Variants in TCF7L1 observed in about 807,000 individuals in gnomAD.
TCF7L1 encodes transcription factor 7-like 1.
TCF7L1 carries 18 observed loss-of-function variants against 63.7 expected under a neutral mutation model. The ratio of observed to expected loss-of-function variants is 0.28; its 90% CI spans 0.20 to 0.42. The LOEUF is 0.42. Ranked by LOEUF, TCF7L1 falls within the 10% of genes least tolerant of loss-of-function variation. TCF7L1 has a pLI of 1.00. For synonymous variants in TCF7L1, 355 were observed against 340.9 expected (o/e 1.04, Z -0.46); for missense variants, 654 against 779.3 (o/e 0.84, Z 1.91).
At chr2:85,250,690 C>T (rs1005104407) in intron 3 of TCF7L1, among the ~76,000 whole-genome samples, 1 of 152,158 alleles carries the variant, frequency 6.6e-6, no homozygotes, top group African/African-American at 2.4e-5. Flanking sequence ...CCCACCTCAG[C>T]CTCCCAAAGT....
chr2:85,268,365 ATT>A (rs1681060222), intron 3 of TCF7L1, among the ~76,000 whole-genome samples: 1 of 152,116 alleles, frequency 6.6e-6, no homozygotes, highest in Admixed American at 6.5e-5. Flanking sequence ...TGCACCTCTA[ATT>A]TGGTTAATCC....
At chr2:85,175,633 G>C (rs529148237) in intron 3 of TCF7L1, among the ~76,000 whole-genome samples, 12 of 152,318 alleles carry the variant, frequency 7.9e-5, no homozygotes, top group African/African-American at 2.9e-4. Context: ...CCCAGTAGCA[G>C]ATAACTCAGT....
At chr2:85,146,497 C>CTTTTTTT (rs554058692) in intron 3 of TCF7L1, among the ~76,000 whole-genome samples, 6 of 103,606 alleles carry the variant, frequency 5.8e-5, no homozygotes, top group Non-Finnish European at 7.5e-5. Context: ...TTCTTTCTTT[C>CTTTTTTT]TTTTTTTTTT....
intron 4 of TCF7L1, among the ~76,000 whole-genome samples, chr2:85,297,522 A>G (rs1681859108): frequency 6.6e-6 from 1 of 152,080 alleles, no homozygotes; most frequent in African/African-American, 2.4e-5. Flanking sequence ...ACTTCTTTCA[A>G]AATGTGAAAG....
intron 4 of TCF7L1, among the ~76,000 whole-genome samples, chr2:85,300,467 C>T (rs1188287874): frequency 6.6e-6 from 1 of 152,184 alleles, no homozygotes; most frequent in African/African-American, 2.4e-5. Flanking sequence ...ATTCATGATG[C>T]AACATCCAGT....
chr2:85,190,668 A>C (rs1679023267), intron 3 of TCF7L1, among the ~76,000 whole-genome samples: 1 of 152,226 alleles, frequency 6.6e-6, no homozygotes, highest in Non-Finnish European at 1.5e-5. Context: ...AATTGTGTTT[A>C]AGGATCACAG....
At chr2:85,164,933 T>C (rs1346508371) in intron 3 of TCF7L1, among the ~76,000 whole-genome samples, 2 of 152,242 alleles carry the variant, frequency 1.3e-5, no homozygotes, top group Non-Finnish European at 2.9e-5. Context: ...CTAGGTCTTA[T>C]TTAATATGTT....
intron 4 of TCF7L1, among the ~76,000 whole-genome samples, chr2:85,293,983 C>A (rs557726266): frequency 1.4e-5 from 2 of 145,794 alleles, no homozygotes; most frequent in Non-Finnish European, 3.0e-5. Context: ...GAACCCCACC[C>A]CTAGAGTTTC....
At chr2:85,192,969 A>G (rs1227212782) in intron 3 of TCF7L1, among the ~76,000 whole-genome samples, 2 of 152,200 alleles carry the variant, frequency 1.3e-5, no homozygotes, top group African/African-American at 2.4e-5. Context: ...GATTACAGGC[A>G]TAAGCCACTG....
intron 3 of TCF7L1, among the ~76,000 whole-genome samples, chr2:85,187,415 A>G (rs546330426): frequency 4.6e-5 from 7 of 152,328 alleles, no homozygotes; most frequent in South Asian, 2.1e-4. Flanking sequence ...AGATGTCCTC[A>G]TGTGCCCTGT....
At chr2:85,261,172 G>GTGTGTGT (rs1558649433) in intron 3 of TCF7L1, among the ~76,000 whole-genome samples, 3 of 140,568 alleles carry the variant, frequency 2.1e-5, no homozygotes, top group East Asian at 2.1e-4. Flanking sequence ...GTGTGTGTGT[G>GTGTGTGT]GTATTTCATA....
At chr2:85,234,072 T>A (rs1433068730) in intron 3 of TCF7L1, among the ~76,000 whole-genome samples, 1 of 152,004 alleles carries the variant, frequency 6.6e-6, no homozygotes, top group African/African-American at 2.4e-5. Flanking sequence ...AATAAGGCAT[T>A]TCACTTTTCA....
At chr2:85,260,242 G>GC (rs1345079679) in intron 3 of TCF7L1, among the ~76,000 whole-genome samples, 1 of 152,208 alleles carries the variant, frequency 6.6e-6, no homozygotes, top group Non-Finnish European at 1.5e-5. Flanking sequence ...GCTTCTGGGT[G>GC]CCCTTCTCTA....
rs532535541 is a variant in TCF7L1, at chr2:85,198,398, C to T, written c.441+63948C>T. ...GCAAGTAGGGAAGGGGGTGCAGAGC[C>T]GGAGCTCAGGGAGAGGTGTCCGTGG... On this transcript the variant is annotated intron_variant, in intron 3 of 11. Transcript: ENST00000282111. 8.5e-5 allele frequency among the ~76,000 whole-genome samples: 13 copies of T among 152,250 alleles called. No individual in the cohort carries two copies. The South Asian group carries it at 1.5e-3, about 17-fold the overall frequency.
intron 3 of TCF7L1, chr2:85,262,200 A>T (rs1309765624): frequency 2.4e-5 from 13 of 549,570 alleles, no homozygotes; most frequent in Non-Finnish European, 3.0e-5. Flanking sequence ...CCGCATATTC[A>T]CTTGCTCATA....
intron 3 of TCF7L1, among the ~76,000 whole-genome samples, chr2:85,158,172 T>C (rs191291162): frequency 3.5e-4 from 54 of 152,280 alleles, no homozygotes; most frequent in African/African-American, 1.2e-3. Flanking sequence ...GCAAGTGTGG[T>C]GCATGGCCCT....
intron 3 of TCF7L1, among the ~76,000 whole-genome samples, chr2:85,175,155 G>A (rs1054984393): frequency 1.3e-5 from 2 of 152,154 alleles, no homozygotes; most frequent in African/African-American, 4.8e-5. Flanking sequence ...TGAGCCCTTT[G>A]CCATGTAACT....
At chr2:85,160,575 G>A (rs1331335338) in intron 3 of TCF7L1, among the ~76,000 whole-genome samples, 2 of 152,176 alleles carry the variant, frequency 1.3e-5, no homozygotes, top group Admixed American at 1.3e-4. Flanking sequence ...AAGCAGGCTG[G>A]GTGCAGTGGC....
At chr2:85,260,951 C>T (rs1680844339) in intron 3 of TCF7L1, among the ~76,000 whole-genome samples, 2 of 152,292 alleles carry the variant, frequency 1.3e-5, no homozygotes, top group South Asian at 4.1e-4. Flanking sequence ...TTTGCTCTCC[C>T]TCAGTTATCA....
Sources: gnomAD v4.1 joint callset for allele counts (sites outside exome capture counted in the v4.1 genomes callset) on GRCh38, gnomAD v4.1.1 for gene constraint, MANE v1.5 for transcripts, NCBI Gene and HGNC (gene_info 2026-07-23, HGNC 2026-07-21) for gene names.